Variants in CFAP221 observed in about 807,000 individuals in gnomAD.
CFAP221 encodes cilia and flagella associated protein 221.
Under a neutral mutation model 113.1 loss-of-function variants are expected in CFAP221, and 97 were observed. The observed-to-expected ratio is 0.86, with a 90% CI of 0.73 to 1.02. CFAP221 has a LOEUF of 1.02. Among genes scored for constraint, CFAP221 ranks in the 50% least tolerant of loss-of-function variants. CFAP221 has a pLI of 0.00. For synonymous variants in CFAP221, 331 were observed against 354.4 expected (o/e 0.93, Z 0.74); for missense variants, 1,025 against 1,013.4 (o/e 1.01, Z -0.16).
rs1420436692 is a variant in CFAP221, at chr2:119,651,990, A to C, written c.2335A>C (p.Asn779His). Residue 779 changes from asparagine (N) to histidine (H), a missense_variant, in exon 23 of 24, where the codon AAT becomes CAT. Physicochemically the swap from Asn to His is moderately conservative, Grantham distance 68 (BLOSUM62 1). Transcript: ENST00000413369. The stretch of plus-strand genomic sequence containing the variant: ...ACTTTGCAGTGAGCTCTGTGAGCAG[A>C]ATGTAGAAGTTATGTTGACTCCAGA... ...ETVERELCEQ[N>H]VEVMLTPEMI... 1 of 1,612,620 alleles carries C rather than the reference A, an allele frequency of 6.2e-7. No homozygotes were observed. Among genetic ancestry groups the C allele is most frequent in the African/African-American group, 1.3e-5 (1 of 74,888 alleles).
chr2:119,630,933 T>C, intron 19 of CFAP221, 32 bp downstream of exon 19: 1 of 1,605,696 alleles, frequency 6.2e-7, no homozygotes, highest in Non-Finnish European at 8.5e-7. Flanking sequence ...CCTTGTTTTC[T>C]GTGTTCCTTT....
intron 19 of CFAP221, among the ~76,000 whole-genome samples, chr2:119,637,788 A>G (rs150188493): frequency 4.6e-5 from 7 of 152,360 alleles, no homozygotes; most frequent in Non-Finnish European, 8.8e-5. Flanking sequence ...ACAATGTTAA[A>G]TGTTGACATT....
At chr2:119,570,542 G>A (rs1013107796) in intron 6 of CFAP221, among the ~76,000 whole-genome samples, 2 of 152,054 alleles carry the variant, frequency 1.3e-5, no homozygotes, top group South Asian at 2.1e-4. Context: ...AAACTTTCCA[G>A]CCTCAGCCAA....
intron 5 of CFAP221, among the ~76,000 whole-genome samples, 160 bp downstream of exon 5, chr2:119,560,186 G>A (rs1370322973): frequency 2.0e-5 from 3 of 151,706 alleles, no homozygotes; most frequent in Admixed American, 2.0e-4. Context: ...GGCGTGCAAA[G>A]CTTGTTGCCC....
chr2:119,560,174 C>G, intron 5 of CFAP221, 148 bp downstream of exon 5: 1 of 667,278 alleles, frequency 1.5e-6, no homozygotes, highest in South Asian at 2.0e-5. Context: ...ACCAGTGTGA[C>G]TGGCGTGCAA....
At chr2:119,592,123 CT>C (rs1258421897) in intron 7 of CFAP221, among the ~76,000 whole-genome samples, 2 of 151,784 alleles carry the variant, frequency 1.3e-5, no homozygotes, top group Non-Finnish European at 2.9e-5. Flanking sequence ...CTCTCTGTGC[CT>C]ATGTACAAAG....
rs1445836644 is a variant in CFAP221 at position 119,651,962 on chromosome 2, A to G, written c.2319-12A>G. Reference sequence around the variant, plus strand: ...AAAAGCAGTGCCCACTAAACATCTTATTACTTTGCAGTGAGCTCTGTGAGC... The same window carrying G: ...AAAAGCAGTGCCCACTAAACATCTTGTTACTTTGCAGTGAGCTCTGTGAGC... On this transcript the variant is annotated splice_polypyrimidine_tract_variant and intron_variant, in intron 22 of 23. Transcript: ENST00000413369. 3.1e-6 allele frequency: 5 copies of G among 1,599,666 alleles called. No homozygotes were observed. Among genetic ancestry groups the G allele is most frequent in the South Asian group, 2.2e-5 (2 of 89,322 alleles).
intron 21 of CFAP221, among the ~76,000 whole-genome samples, chr2:119,644,913 C>T (rs1366621147): frequency 1.3e-5 from 2 of 152,062 alleles, no homozygotes; most frequent in Non-Finnish European, 2.9e-5. Context: ...TCTTATAATA[C>T]ATCAAAAATC....
chr2:119,572,462 T>C, intron 6 of CFAP221: 1 of 653,966 alleles, frequency 1.5e-6, no homozygotes, highest in Non-Finnish European at 2.8e-6. Context: ...GATATGCTTA[T>C]ATTAGATACA....
chr2:119,555,734 C>T (rs1034535888), intron 3 of CFAP221, among the ~76,000 whole-genome samples: 2 of 152,166 alleles, frequency 1.3e-5, no homozygotes, highest in Non-Finnish European at 2.9e-5. Flanking sequence ...GTTCTAGGTC[C>T]AGGTCTTGCA....
chr2:119,546,499 T>C (rs1680061251), intron 2 of CFAP221, among the ~76,000 whole-genome samples: 1 of 152,224 alleles, frequency 6.6e-6, no homozygotes, highest in South Asian at 2.1e-4. Flanking sequence ...CTTCTTCTAA[T>C]GTCTTTCCTA....
At chr2:119,616,150 A>G (rs1057151640) in intron 14 of CFAP221, among the ~76,000 whole-genome samples, 2 of 152,252 alleles carry the variant, frequency 1.3e-5, no homozygotes, top group African/African-American at 4.8e-5. Flanking sequence ...GCATGTATAC[A>G]TTATATAAGA....
At chr2:119,570,672 AG>A (rs1163792940) in intron 6 of CFAP221, among the ~76,000 whole-genome samples, 1 of 152,236 alleles carries the variant, frequency 6.6e-6, no homozygotes, top group Non-Finnish European at 1.5e-5. Context: ...ATGTTTTCAA[AG>A]GCCATCAACT....
intron 10 of CFAP221, 44 bp downstream of exon 10, chr2:119,605,031 G>C (rs1164702153): frequency 6.4e-7 from 1 of 1,570,722 alleles, no homozygotes; most frequent in East Asian, 2.2e-5. Flanking sequence ...AGCAGAATAT[G>C]AAAGAGTCAT....
At position 119,631,452 on chromosome 2, in the gene CFAP221, C is replaced by T. The variant is rs563920814; in HGVS notation, c.1974+551C>T. On this transcript the variant is annotated intron_variant, in intron 19 of 23. Coordinates refer to ENST00000413369, the MANE Select transcript of CFAP221 (RefSeq NM_001271049.2). ...ACTTTAGGAAGCCAAGCCGGCAGATCATTTGAGGTCAGGAGTTTGAGACCA... is the reference window on the plus strand; with the variant it reads ...ACTTTAGGAAGCCAAGCCGGCAGATTATTTGAGGTCAGGAGTTTGAGACCA... Among the ~76,000 whole-genome samples the T allele has an allele frequency of 3.9e-5, 6 of 152,286 alleles. No homozygotes were observed. The East Asian group carries it at 1.2e-3, about 29-fold the overall frequency.
intron 8 of CFAP221, among the ~76,000 whole-genome samples, chr2:119,604,383 A>G (rs1489667359): frequency 1.3e-5 from 2 of 152,072 alleles, no homozygotes; most frequent in Non-Finnish European, 2.9e-5. Context: ...GCAGTGAGTC[A>G]TGATCATGCC....
chr2:119,632,170 A>G (rs1686815371), intron 19 of CFAP221, among the ~76,000 whole-genome samples: 1 of 152,198 alleles, frequency 6.6e-6, no homozygotes, highest in Admixed American at 6.5e-5. Context: ...GGAGGCTAGT[A>G]TTACTCTGAT....
At chr2:119,565,648 A>T (rs188110765) in intron 6 of CFAP221, among the ~76,000 whole-genome samples, 1 of 152,328 alleles carries the variant, frequency 6.6e-6, no homozygotes. Flanking sequence ...GTATATAATG[A>T]TGTGATATTT....
At chr2:119,634,077 C>G (rs991344451) in intron 19 of CFAP221, among the ~76,000 whole-genome samples, 2 of 152,084 alleles carry the variant, frequency 1.3e-5, no homozygotes, top group East Asian at 3.9e-4. Flanking sequence ...TACTGCACTT[C>G]TGCCTGGGCA....
Sources: allele counts gnomAD v4.1 joint callset (sites outside exome capture counted in the v4.1 genomes callset), GRCh38; gene constraint gnomAD v4.1.1; transcripts MANE v1.5; gene names NCBI Gene and HGNC (gene_info 2026-07-23, HGNC 2026-07-21).